The following MOB3B variants were observed in gnomAD, a reference collection of about 807,000 sequenced individuals.
MOB3B encodes MOB kinase activator-like 2B.
MOB3B carries 7 observed loss-of-function variants against 18.7 expected under a neutral mutation model. The ratio of observed to expected loss-of-function variants is 0.37; its 90% CI spans 0.21 to 0.70. The LOEUF is 0.70. MOB3B is among the 30% of genes least tolerant of loss of function. The probability of loss-of-function intolerance (pLI) is 0.52; values close to 1 mark genes in which losing one functional copy is unlikely to be tolerated. For missense variants in MOB3B, 253 were observed against 281.3 expected (o/e 0.90, Z 0.72); for synonymous variants, 111 against 99.9 (o/e 1.11, Z -0.66).
intron 1 of MOB3B, among the ~76,000 whole-genome samples, chr9:27,476,014 C>T (rs1262361728): frequency 1.3e-5 from 2 of 152,166 alleles, no homozygotes. Flanking sequence ...CCATCACACT[C>T]AGAATAAAAA....
intron 2 of MOB3B, among the ~76,000 whole-genome samples, chr9:27,377,391 C>T (rs900927659): frequency 6.6e-6 from 1 of 152,140 alleles, no homozygotes; most frequent in Non-Finnish European, 1.5e-5. Flanking sequence ...CTTCACACTA[C>T]GGAAGTGCTG....
At chr9:27,476,740 C>T (rs137863958) in intron 1 of MOB3B, among the ~76,000 whole-genome samples, 1 of 152,182 alleles carries the variant, frequency 6.6e-6, no homozygotes, top group Non-Finnish European at 1.5e-5. Context: ...AGACATCCAA[C>T]TTACAAGGAG....
chr9:27,509,022 T>C (rs1034891290), intron 1 of MOB3B, among the ~76,000 whole-genome samples: 1 of 152,194 alleles, frequency 6.6e-6, no homozygotes, highest in Non-Finnish European at 1.5e-5. Context: ...ATGTCTGCCG[T>C]GGCATTATGG....
intron 2 of MOB3B, among the ~76,000 whole-genome samples, chr9:27,371,880 T>A (rs1821421413): frequency 6.6e-6 from 1 of 152,182 alleles, no homozygotes; most frequent in Admixed American, 6.5e-5. Flanking sequence ...AAATTTTAGT[T>A]AATTCAAGGA....
At chr9:27,421,556 C>G (rs7030425) in intron 2 of MOB3B, 2 of 152,306 alleles carry the variant, frequency 1.3e-5, no homozygotes, top group African/African-American at 4.8e-5. Context: ...AACACCAGGC[C>G]GGGGGGCGGG....
intron 1 of MOB3B, among the ~76,000 whole-genome samples, chr9:27,456,597 C>T (rs1822874051): frequency 6.6e-6 from 1 of 152,216 alleles, no homozygotes; most frequent in South Asian, 2.1e-4. Context: ...TTTCAGCTAA[C>T]TTGAGTTGGT....
chr9:27,466,160 GT>G (rs1819379638), intron 1 of MOB3B, among the ~76,000 whole-genome samples: 1 of 152,150 alleles, frequency 6.6e-6, no homozygotes, highest in South Asian at 2.1e-4. Flanking sequence ...CAGCACCCAA[GT>G]TACCTTCTGA....
intron 1 of MOB3B, among the ~76,000 whole-genome samples, chr9:27,464,328 A>T (rs917318157): frequency 7.2e-5 from 11 of 152,216 alleles, no homozygotes; most frequent in Non-Finnish European, 1.5e-4. Context: ...GGCAAAAAGA[A>T]ATAATATTAA....
chr9:27,471,116 A>C (rs1306945126), intron 1 of MOB3B, among the ~76,000 whole-genome samples: 1 of 152,076 alleles, frequency 6.6e-6, no homozygotes, highest in Non-Finnish European at 1.5e-5. Flanking sequence ...GCAAGTTTAA[A>C]ATGCAGACTC....
At chr9:27,514,318 A>C (rs2131502936) in intron 1 of MOB3B, among the ~76,000 whole-genome samples, 1 of 149,440 alleles carries the variant, frequency 6.7e-6, no homozygotes, top group Admixed American at 6.8e-5. Context: ...AATAAAGTCA[A>C]CTCAACGCAG....
chr9:27,439,154 G>T (rs1285077294), intron 2 of MOB3B, among the ~76,000 whole-genome samples: 2 of 152,128 alleles, frequency 1.3e-5, no homozygotes, highest in Non-Finnish European at 1.5e-5. Flanking sequence ...GAAGACCTAG[G>T]TTTCCTGAGG....
chr9:27,372,465 T>A (rs1380065436), intron 2 of MOB3B, among the ~76,000 whole-genome samples: 1 of 152,192 alleles, frequency 6.6e-6, no homozygotes, highest in Admixed American at 6.5e-5. Flanking sequence ...TGGGCTATGC[T>A]TGGTGAGTTG....
intron 2 of MOB3B, among the ~76,000 whole-genome samples, chr9:27,364,523 G>T (rs1821317212): frequency 6.6e-6 from 1 of 152,150 alleles, no homozygotes; most frequent in Non-Finnish European, 1.5e-5. Context: ...ATTCCCCTTT[G>T]CTTATAATAG....
chr9:27,439,287 T>G (rs1489172971), intron 2 of MOB3B, among the ~76,000 whole-genome samples: 1 of 152,210 alleles, frequency 6.6e-6, no homozygotes, highest in Non-Finnish European at 1.5e-5. Context: ...GGTCTGCTCA[T>G]TTCTTAATTG....
chr9:27,397,876 T>C (rs559097750), intron 2 of MOB3B, among the ~76,000 whole-genome samples: 2 of 152,170 alleles, frequency 1.3e-5, no homozygotes, highest in Non-Finnish European at 2.9e-5. Flanking sequence ...GATTGTCCCA[T>C]ACATTGCAGG....
chr9:27,417,312 C>T (rs777606553), intron 2 of MOB3B, among the ~76,000 whole-genome samples: 13 of 152,028 alleles, frequency 8.6e-5, no homozygotes, highest in Non-Finnish European at 1.8e-4. Flanking sequence ...TGCAGTGAGC[C>T]GAGATTGCGT....
chr9:27,456,268 T>C (rs1822869152), intron 1 of MOB3B, among the ~76,000 whole-genome samples: 1 of 152,002 alleles, frequency 6.6e-6, no homozygotes, highest in African/African-American at 2.4e-5. Flanking sequence ...TGGCATTGGG[T>C]GAGAAGTGAT....
intron 3 of MOB3B, among the ~76,000 whole-genome samples, chr9:27,344,255 T>G (rs1208125520): frequency 1.3e-5 from 2 of 152,216 alleles, no homozygotes; most frequent in Non-Finnish European, 2.9e-5. Context: ...AAATGAGCAT[T>G]AGTGCATGTT....
At position 27,388,488 on chromosome 9, in the gene MOB3B, TG is replaced by T. The variant is rs1483851414; in HGVS notation, c.419-29253del. Among the ~76,000 whole-genome samples the T allele has an allele frequency of 2.0e-5, 3 of 152,282 alleles. No homozygotes were observed. In the East Asian group the frequency reaches 5.8e-4, roughly 29 times the overall value. On this transcript the variant is annotated intron_variant, in intron 2 of 3. Transcript: ENST00000262244. Reference sequence around the variant, plus strand: ...TTTTCTCTTTTATTTCAATAGGCTTTGGGGGAACAGGTGGTGTTTGGTTACA... The same window carrying T: ...TTTTCTCTTTTATTTCAATAGGCTTTGGGGAACAGGTGGTGTTTGGTTACA...
Sources: gnomAD v4.1 joint callset for allele counts (sites outside exome capture counted in the v4.1 genomes callset) on GRCh38, gnomAD v4.1.1 for gene constraint, MANE v1.5 for transcripts, NCBI Gene and HGNC (gene_info 2026-07-23, HGNC 2026-07-21) for gene names.